The following UBA5 variants were observed in gnomAD, a reference collection of about 807,000 sequenced individuals.
UBA5 encodes ubiquitin-like modifier-activating enzyme 5.
In UBA5, 28 loss-of-function variants were observed where a neutral mutation model predicts 52.9. The ratio of observed to expected loss-of-function variants is 0.53; its 90% CI spans 0.39 to 0.73. The LOEUF (loss-of-function observed/expected upper bound fraction) is 0.73. Among genes scored for constraint, UBA5 ranks in the 30% least tolerant of loss-of-function variants. The probability of loss-of-function intolerance (pLI) is 0.00; values close to 1 mark genes in which losing one functional copy is unlikely to be tolerated. For synonymous variants in UBA5, 135 were observed against 162.1 expected, an observed-to-expected ratio of 0.83 and a Z score of 1.27; for missense variants, 388 against 492.7, an observed-to-expected ratio of 0.79 and a Z score of 2.01.
Position 132,660,568 on chromosome 3 carries a change from C to T in UBA5, c.31C>T (p.Arg11Trp), listed in dbSNP as rs771295288. The T allele has an allele frequency of 1.3e-6, 2 of 1,550,488 alleles. No homozygotes were observed. The highest frequency in any genetic ancestry group is 1.2e-5 in the South Asian group (1 of 84,038). ...GGAGTCTGTGGAGCGCCTGCAGCAGCGGGTCCAGGAGCTGGAGCGGGAACT... is the reference window on the plus strand; with the variant it reads ...GGAGTCTGTGGAGCGCCTGCAGCAGTGGGTCCAGGAGCTGGAGCGGGAACT... Reference protein sequence around the residue: MAESVERLQQRVQELERELAQ... With the variant: MAESVERLQQWVQELERELAQ... Residue 11 changes from arginine to tryptophan, a missense_variant, in exon 1 of 12, where the codon CGG (arginine) becomes TGG (tryptophan). Physicochemically the swap from Arg to Trp is moderately radical, Grantham distance 101. Transcript: ENST00000356232. The surrounding 1 kb of genome is among the most constrained non-coding windows in gnomAD (Gnocchi z 4.1).
upstream of UBA5, among the ~76,000 whole-genome samples, chr3:132,657,237 T>C (rs1040789615): frequency 1.3e-5 from 2 of 152,226 alleles, no homozygotes; most frequent in Non-Finnish European, 2.9e-5. Context: ...AAGTTCTTCT[T>C]TTCCCCCCAC....
intron 2 of UBA5, 49 bp from the exon 3 acceptor site, chr3:132,665,935 T>C (rs1419452907): frequency 1.2e-6 from 2 of 1,610,912 alleles, no homozygotes; most frequent in South Asian, 2.2e-5. Flanking sequence ...TCTGGTGACA[T>C]ATTTGATGAA....
upstream of UBA5, chr3:132,660,070 C>A (rs1938058587): frequency 5.6e-6 from 2 of 356,532 alleles, no homozygotes; most frequent in South Asian, 1.2e-4. The surrounding 1 kb of genome is among the most constrained non-coding windows in gnomAD (Gnocchi z 4.1). Context: ...AACGCAGAAG[C>A]CTCTTCCACC....
At chr3:132,657,626 G>A (rs186813913), upstream of UBA5, among the ~76,000 whole-genome samples, 1 of 152,052 alleles carries the variant, frequency 6.6e-6, no homozygotes, top group East Asian at 1.9e-4. Flanking sequence ...CTCTACAAAG[G>A]TATTGCACAT....
chr3:132,672,610 A>G (rs551625015), intron 8 of UBA5, among the ~76,000 whole-genome samples: 1 of 152,286 alleles, frequency 6.6e-6, no homozygotes, highest in Non-Finnish European at 1.5e-5. Flanking sequence ...CCAAAAATAA[A>G]CCAATGTGAC....
rs372596660 is a variant in UBA5 at position 132,675,563 on chromosome 3, G to A, written c.949-42G>A. ...TTCTTGATTAATGCTTTAGAGAACT[G>A]AGAATGAGTAAGAACACTTTGATGC... is the stretch of plus-strand genomic sequence containing the variant. On this transcript the variant is annotated intron_variant, in intron 9 of 11. Transcript: ENST00000356232. 3.1e-5 allele frequency: 49 copies of A among 1,569,306 alleles called. No homozygotes were observed. In the African/African-American group the frequency reaches 6.0e-4, roughly 19 times the overall value.
At chr3:132,675,133 C>T in intron 8 of UBA5, 115 bp from the exon 9 acceptor site, 1 of 769,390 alleles carries the variant, frequency 1.3e-6, no homozygotes, top group Non-Finnish European at 2.0e-6. Context: ...TTTCTGTTTT[C>T]TGGTTAAAAA....
chr3:132,672,066 T>C lies in UBA5; in HGVS notation c.701T>C (p.Val234Ala). ...SACFACAPPL[V>A]VAANIDEKTL... ...TTCATGTAGTGTGCTCCACCACTTGTAGTTGCTGCAAATATTGATGAAAAG... is the reference window on the plus strand; with the variant it reads ...TTCATGTAGTGTGCTCCACCACTTGCAGTTGCTGCAAATATTGATGAAAAG... Residue 234 changes from valine (V) to alanine (A), a missense_variant, in exon 8 of 12, where the codon GTA becomes GCA. Val to Ala is a moderately conservative substitution (Grantham distance 64). Transcript: ENST00000356232. 2 of 1,613,996 alleles carry C rather than the reference T, an allele frequency of 1.2e-6. No individual in the cohort carries two copies. The highest frequency in any genetic ancestry group is 1.7e-6 in the Non-Finnish European group (2 of 1,179,942).
intron 8 of UBA5, 109 bp downstream of exon 8, chr3:132,672,286 G>T: frequency 7.7e-7 from 1 of 1,296,348 alleles, no homozygotes; most frequent in Non-Finnish European, 1.0e-6. Flanking sequence ...ATATAATTTA[G>T]TTACTTTAAA....
chr3:132,660,079 C>T, upstream of UBA5: 1 of 349,262 alleles, frequency 2.9e-6, no homozygotes, highest in Non-Finnish European at 5.2e-6. The surrounding 1 kb of genome is among the most constrained non-coding windows in gnomAD (Gnocchi z 4.1). Context: ...GCCTCTTCCA[C>T]CCCCAAATTT....
At position 132,676,524 on chromosome 3, in the gene UBA5, T is replaced by C; in HGVS notation, c.1213T>C (p.Ter405GlnextTer12). ...EDLMAKMKNM[*>Q] ...CCTCATGGCCAAAATGAAGAATATG[T>C]AGATAATGGACTGGGATATATTGTA... Residue 405 changes from the stop codon to glutamine, a stop_lost, in exon 12 of 12, where the codon TAG (stop) becomes CAG (glutamine). Transcript: ENST00000356232. The surrounding 1 kb of genome is among the most constrained non-coding windows in gnomAD (Gnocchi z 4.1). 1 of 1,574,136 alleles carries C rather than the reference T, an allele frequency of 6.4e-7. No homozygotes were observed. The highest frequency in any genetic ancestry group is 1.1e-5 in the South Asian group (1 of 88,784).
chr3:132,661,168 G>C, intron 1 of UBA5: 1 of 779,678 alleles, frequency 1.3e-6, no homozygotes, highest in South Asian at 1.8e-5. Flanking sequence ...CAAACCATTC[G>C]ACATTACCAA....
chr3:132,655,272 G>A (rs1285832956), intron 1 of UBA5, among the ~76,000 whole-genome samples: 1 of 152,120 alleles, frequency 6.6e-6, no homozygotes, highest in African/African-American at 2.4e-5. Context: ...GGCCCCTTCA[G>A]TCAACTCTCA....
intron 1 of UBA5, among the ~76,000 whole-genome samples, chr3:132,662,274 T>C (rs1318358305): frequency 1.3e-5 from 2 of 152,236 alleles, no homozygotes; most frequent in Admixed American, 6.5e-5. Flanking sequence ...AAAGTTCAGC[T>C]TTAATTTTTT....
Position 132,668,783 on chromosome 3 carries a change from T to C in UBA5, c.298-35T>C. 2.2e-6 allele frequency: 3 copies of C among 1,373,298 alleles called. No individual in the cohort carries two copies. In the South Asian group the frequency reaches 3.8e-5, roughly 17 times the overall value. 85.1% of individuals were successfully genotyped at this position (1,373,298 alleles called of 1,614,324 possible). A position where few individuals can be genotyped will look rare whatever the true frequency, so the allele number is the denominator to read the frequency against. On this transcript the variant is annotated intron_variant, in intron 3 of 11. Transcript: ENST00000356232. Reference sequence around the variant, plus strand: ...TTTTGATATGTTTAGTTTTTTGGTATGTTTTTCATCAGAATACCACTATTT... The same window carrying C: ...TTTTGATATGTTTAGTTTTTTGGTACGTTTTTCATCAGAATACCACTATTT...
rs1938830991 is a variant in UBA5 at position 132,676,180 on chromosome 3, T to A, written c.1131+257T>A. Among the ~76,000 whole-genome samples the A allele has an allele frequency of 6.6e-6, 1 of 152,140 alleles. No individual in the cohort carries two copies. Among genetic ancestry groups the A allele is most frequent in the African/African-American group, 2.4e-5 (1 of 41,450 alleles). On this transcript the variant is annotated intron_variant, in intron 11 of 11. Coordinates refer to ENST00000356232, the MANE Select transcript of UBA5 (RefSeq NM_024818.6). This position sits in a 1 kb window ranked among gnomAD's most constrained non-coding sequence, Gnocchi z 4.1. The stretch of plus-strand genomic sequence containing the variant: ...ATTTTGATTAAATGAAGATCTCATT[T>A]TTGTTTATCGGTAGTTTTAGCTACG...
chr3:132,659,799 G>A (rs756905752), upstream of UBA5: 5 of 1,540,020 alleles, frequency 3.2e-6, no homozygotes, highest in South Asian at 3.7e-5. Context: ...GGTCTCGAGT[G>A]CCGAAGTCCT....
chr3:132,674,426 G>A (rs1297022883), intron 8 of UBA5, among the ~76,000 whole-genome samples: 1 of 152,188 alleles, frequency 6.6e-6, no homozygotes, highest in Non-Finnish European at 1.5e-5. Flanking sequence ...AGTGGCTCAC[G>A]CCTGTAATCC....
chr3:132,669,571 T>A (rs1311815283), intron 4 of UBA5, among the ~76,000 whole-genome samples: 1 of 152,190 alleles, frequency 6.6e-6, no homozygotes, highest in African/African-American at 2.4e-5. Flanking sequence ...TCCTGGCTGA[T>A]AAAATTTTTA....
Sources: gnomAD v4.1 joint callset for allele counts (sites outside exome capture counted in the v4.1 genomes callset) on GRCh38, gnomAD v4.1.1 for gene constraint, Gnocchi (gnomAD v3.1) non-coding constraint, MANE v1.5 for transcripts, NCBI Gene and HGNC (gene_info 2026-07-23, HGNC 2026-07-21) for gene names.